Variants in TTPA observed in about 807,000 individuals in gnomAD.
The protein encoded by TTPA is alpha-tocopherol transfer protein.
In TTPA, 23 loss-of-function variants were observed where a neutral mutation model predicts 25.9. That is an observed-to-expected ratio of 0.89 (90% CI 0.64 to 1.26). The LOEUF is 1.26. Among genes scored for constraint, TTPA ranks in the 50% most tolerant of loss-of-function variants. The probability of loss-of-function intolerance (pLI) is 0.00; values close to 1 mark genes in which losing one functional copy is unlikely to be tolerated. For missense variants in TTPA, 337 were observed against 353.1 expected (o/e 0.95, Z 0.37); for synonymous variants, 148 against 137.3 (o/e 1.08, Z -0.54).
intron 4 of TTPA, among the ~76,000 whole-genome samples, chr8:63,063,056 A>G (rs1388995699): frequency 6.6e-6 from 1 of 152,228 alleles, no homozygotes; most frequent in African/African-American, 2.4e-5. Flanking sequence ...CTGACCAGGT[A>G]TAAGATGTTA....
chr8:63,074,237 C>T (rs1287533231), intron 1 of TTPA, among the ~76,000 whole-genome samples: 1 of 152,004 alleles, frequency 6.6e-6, no homozygotes, highest in Non-Finnish European at 1.5e-5. Context: ...AAATGCTGAG[C>T]CTTGGGAAAT....
intron 1 of TTPA, among the ~76,000 whole-genome samples, chr8:63,075,936 A>G (rs1805556106): frequency 1.3e-5 from 2 of 152,206 alleles, no homozygotes; most frequent in Admixed American, 1.3e-4. Context: ...GAACAAAAGT[A>G]TAAGGAACTA....
At chr8:63,075,996 G>A (rs1175284956) in intron 1 of TTPA, among the ~76,000 whole-genome samples, 1 of 152,198 alleles carries the variant, frequency 6.6e-6, no homozygotes, top group African/African-American at 2.4e-5. Flanking sequence ...AACAGGCAGA[G>A]AAGTGAATGG....
intron 1 of TTPA, among the ~76,000 whole-genome samples, chr8:63,082,873 G>A (rs947294527): frequency 6.6e-5 from 10 of 152,078 alleles, no homozygotes; most frequent in Admixed American, 4.6e-4. Context: ...GCAGCCAACG[G>A]ATACATGTAA....
At chr8:63,077,688 C>T (rs1284564191) in intron 1 of TTPA, among the ~76,000 whole-genome samples, 1 of 152,248 alleles carries the variant, frequency 6.6e-6, no homozygotes, top group East Asian at 1.9e-4. Context: ...CACTGCAGCA[C>T]AGCAAGGCCT....
At chr8:63,058,509 A>ACTGT (rs1355948973), downstream of TTPA, among the ~76,000 whole-genome samples, 2 of 152,238 alleles carry the variant, frequency 1.3e-5, no homozygotes, top group Non-Finnish European at 1.5e-5. Flanking sequence ...TAACCTTTTA[A>ACTGT]AAGGCACTTC....
chr8:63,069,395 T>C (rs1430938108), intron 2 of TTPA, among the ~76,000 whole-genome samples: 1 of 152,050 alleles, frequency 6.6e-6, no homozygotes. Flanking sequence ...CTGGCTAATA[T>C]GGTAGCCATT....
chr8:63,064,443 A>G, intron 3 of TTPA, 127 bp from the exon 4 acceptor site: 1 of 676,032 alleles, frequency 1.5e-6, no homozygotes, highest in South Asian at 1.8e-5. Flanking sequence ...TTTATCTTCA[A>G]AATTATTTAT....
At chr8:63,063,881 G>A (rs1324028364) in intron 4 of TTPA, among the ~76,000 whole-genome samples, 1 of 151,984 alleles carries the variant, frequency 6.6e-6, no homozygotes, top group Non-Finnish European at 1.5e-5. Flanking sequence ...ATGTAATTTT[G>A]TTTAGGTATA....
downstream of TTPA, among the ~76,000 whole-genome samples, chr8:63,059,020 G>GTTTTTTTTTTTTTT (rs35335226): frequency 1.5e-5 from 1 of 67,190 alleles, no homozygotes; most frequent in African/African-American, 5.9e-5. Flanking sequence ...GCAGGGTCCA[G>GTTTTTTTTTTTTTT]TTTTTTTTTT....
intron 2 of TTPA, among the ~76,000 whole-genome samples, chr8:63,069,471 T>TAG (rs1805448497): frequency 6.6e-6 from 1 of 152,140 alleles, no homozygotes; most frequent in South Asian, 2.1e-4. Context: ...GGTTCATGCC[T>TAG]AGAATCCCAG....
Position 63,086,041 on chromosome 8 carries a change from G to A in TTPA, c.-20C>T. On this transcript the variant is annotated 5_prime_UTR_variant, in exon 1 of 5. Transcript: ENST00000260116. ...TGCCATGCCCGCCGCCGCTGCTGCGGCCGCAGCTACCCGGGCACCCGGGAA... is the reference window on the plus strand; with the variant it reads ...TGCCATGCCCGCCGCCGCTGCTGCGACCGCAGCTACCCGGGCACCCGGGAA... 1.4e-6 allele frequency: 2 copies of A among 1,400,528 alleles called. No individual in the cohort carries two copies. The highest frequency in any genetic ancestry group is 9.3e-7 in the Non-Finnish European group (1 of 1,077,126). 86.8% of individuals were successfully genotyped at this position (1,400,528 alleles called of 1,614,324 possible).
chr8:63,065,206 T>C (rs1422471600), intron 3 of TTPA, among the ~76,000 whole-genome samples: 1 of 152,198 alleles, frequency 6.6e-6, no homozygotes, highest in Non-Finnish European at 1.5e-5. Flanking sequence ...GTGGTGGTTA[T>C]AAGCACGACT....
Position 63,059,984 on chromosome 8 carries a change from C to T in TTPA, c.*1268G>A, listed in dbSNP as rs1805278270. The T allele has an allele frequency of 6.6e-6, 1 of 152,024 alleles. No homozygotes were observed. Among genetic ancestry groups the T allele is most frequent in the African/African-American group, 2.4e-5 (1 of 41,386 alleles). 9.4% of individuals were successfully genotyped at this position (152,024 alleles called of 1,614,324 possible). A position where few individuals can be genotyped will look rare whatever the true frequency, so the allele number is the denominator to read the frequency against. On this transcript the variant is annotated 3_prime_UTR_variant, in exon 5 of 5. Transcript: ENST00000260116. The stretch of plus-strand genomic sequence containing the variant: ...GTGCTGGGATTACAGGTGTGAGCTG[C>T]CACACCCAGTCTTTACCAGATGTTT...
chr8:63,064,092 G>T, intron 4 of TTPA, 114 bp downstream of exon 4: 4 of 695,690 alleles, frequency 5.7e-6, no homozygotes, highest in South Asian at 1.8e-5. Context: ...TCAAAATATT[G>T]GGCTAATGAT....
chr8:63,059,858 T>C lies in TTPA; in HGVS notation c.*1394A>G, dbSNP rs886063060. On this transcript the variant is annotated 3_prime_UTR_variant, in exon 5 of 5. Transcript: ENST00000260116. Reference sequence around the variant, plus strand: ...GGGAACATCACACACCGGGGCCTATTTATTTATTTTTGAAATAGAGACAGG... The same window carrying C: ...GGGAACATCACACACCGGGGCCTATCTATTTATTTTTGAAATAGAGACAGG... The C allele has an allele frequency of 6.6e-6, 1 of 152,082 alleles. No homozygotes were observed. The highest frequency in any genetic ancestry group is 2.1e-4 in the South Asian group (1 of 4,828). 9.4% of individuals were successfully genotyped at this position (152,082 alleles called of 1,614,324 possible).
intron 1 of TTPA, among the ~76,000 whole-genome samples, chr8:63,077,242 C>G (rs181122918): frequency 7.2e-5 from 11 of 152,176 alleles, no homozygotes; most frequent in African/African-American, 2.7e-4. Context: ...CCAGTGTGAT[C>G]GATGCAGAAG....
At chr8:63,069,367 A>G (rs1264866341) in intron 2 of TTPA, among the ~76,000 whole-genome samples, 1 of 152,078 alleles carries the variant, frequency 6.6e-6, no homozygotes, top group Admixed American at 6.6e-5. Context: ...GCCAACCAAC[A>G]TAATTGTTTG....
Position 63,085,969 on chromosome 8 carries a change from G to A in TTPA, c.53C>T (p.Pro18Leu), listed in dbSNP as rs1268566443. Residue 18 changes from proline (P) to leucine (L), a missense_variant, in exon 1 of 5, where the codon CCG (proline) becomes CTG (leucine). Transcript: ENST00000260116. ...CGGCTGCAGCAACGGAGAGTGGTCC[G>A]GTAGCGCGTTGAGCTGCGGCCCCGC... is the stretch of plus-strand genomic sequence containing the variant. Reference protein sequence around the residue: ...PSAGPQLNALPDHSPLLQPGL... With the variant: ...PSAGPQLNALLDHSPLLQPGL... 2.6e-6 allele frequency: 4 copies of A among 1,515,598 alleles called. No individual in the cohort carries two copies. The highest frequency in any genetic ancestry group is 1.4e-5 in the African/African-American group (1 of 69,600). The allele number at this position is 1,515,598 out of a possible 1,614,324, so 93.9% of individuals were successfully genotyped here.
Sources: gnomAD v4.1 joint callset for allele counts (sites outside exome capture counted in the v4.1 genomes callset) on GRCh38, gnomAD v4.1.1 for gene constraint, MANE v1.5 for transcripts, NCBI Gene and HGNC (gene_info 2026-07-23, HGNC 2026-07-21) for gene names.